Variants in SEC63 observed in about 807,000 individuals in gnomAD.
The protein encoded by SEC63 is SEC63 protein translocation regulator.
SEC63 carries 56 observed loss-of-function variants against 116.2 expected under a neutral mutation model. The ratio of observed to expected loss-of-function variants is 0.48; its 90% CI spans 0.39 to 0.60. The LOEUF is 0.60. Among genes scored for constraint, SEC63 ranks in the 20% least tolerant of loss-of-function variants. The pLI is 0.00. For synonymous variants in SEC63, 273 were observed against 294.6 expected, an observed-to-expected ratio of 0.93 and a Z score of 0.75; for missense variants, 668 against 900.0, an observed-to-expected ratio of 0.74 and a Z score of 3.30.
At chr6:107,883,316 G>C in intron 16 of SEC63, 170 bp from the exon 17 acceptor site, 2 of 707,544 alleles carry the variant, frequency 2.8e-6, no homozygotes, top group Non-Finnish European at 4.6e-6. Context: ...AAAGATGTGG[G>C]AGTCAGACTA....
chr6:107,908,499 A>G (rs1284017813), intron 8 of SEC63, among the ~76,000 whole-genome samples: 1 of 152,188 alleles, frequency 6.6e-6, no homozygotes, highest in East Asian at 1.9e-4. Context: ...CCTGGATATC[A>G]CTTACTGTGT....
chr6:107,938,247 A>ATTTTTTT (rs4028676), intron 1 of SEC63, among the ~76,000 whole-genome samples: 2 of 133,980 alleles, frequency 1.5e-5, no homozygotes, highest in Non-Finnish European at 1.5e-5. Flanking sequence ...TGGTGAGTTA[A>ATTTTTTT]TTTTTTTTTT....
intron 14 of SEC63, 69 bp from the exon 15 acceptor site, chr6:107,893,966 A>G (rs948744205): frequency 6.6e-7 from 1 of 1,525,388 alleles, no homozygotes; most frequent in African/African-American, 1.4e-5. Flanking sequence ...AAACAAAGCA[A>G]TCTTTCAAAC....
chr6:107,933,712 C>CT (rs1396973616), intron 1 of SEC63, among the ~76,000 whole-genome samples: 1 of 151,742 alleles, frequency 6.6e-6, no homozygotes, highest in African/African-American at 2.4e-5. Flanking sequence ...GCCTCTCCCT[C>CT]TCCCCACGGC....
At position 107,944,844 on chromosome 6, in the gene SEC63, G is replaced by T. The variant is rs77433633; in HGVS notation, c.124+13042C>A. On this transcript the variant is annotated intron_variant, in intron 1 of 20. Transcript: ENST00000369002. The stretch of plus-strand genomic sequence containing the variant: ...CTATGTTTATACTGCATTCATCATT[G>T]TATCATCTGCTGTACCTGTACGGTC... Among the ~76,000 whole-genome samples the T allele has an allele frequency of 5.9e-3, 904 of 152,154 alleles. 11 individuals carry two copies. The highest frequency in any genetic ancestry group is 0.021 in the African/African-American group (873 of 41,494).
chr6:107,957,861 G>A (rs1770742949), intron 1 of SEC63, 25 bp downstream of exon 1: 13 of 1,600,612 alleles, frequency 8.1e-6, no homozygotes, highest in Non-Finnish European at 1.1e-5. Context: ...GCGCGGGTTC[G>A]CGGGCAAAGG....
At chr6:107,903,028 G>A (rs1248175333) in intron 11 of SEC63, 30 bp from the exon 12 acceptor site, 1 of 1,612,762 alleles carries the variant, frequency 6.2e-7, no homozygotes. Flanking sequence ...AAAGAAACAG[G>A]GCTGGACTTT....
chr6:107,871,540 C>G lies in SEC63; in HGVS notation c.*164G>C. The G allele has an allele frequency of 2.8e-6, 2 of 718,406 alleles. No individual in the cohort carries two copies. The highest frequency in any genetic ancestry group is 5.0e-6 in the Non-Finnish European group (2 of 403,962). 44.5% of individuals were successfully genotyped at this position (718,406 alleles called of 1,614,324 possible). A position where few individuals can be genotyped will look rare whatever the true frequency, so the allele number is the denominator to read the frequency against. On this transcript the variant is annotated 3_prime_UTR_variant, in exon 21 of 21. Transcript: ENST00000369002. ...AGCCTTAACATTTTTCAGGTTGTAC[C>G]AAGGCACCGCCACTGCCTAGTTATA... is the stretch of plus-strand genomic sequence containing the variant.
chr6:107,933,702 GCCTCTC>G (rs1362422182), intron 1 of SEC63, among the ~76,000 whole-genome samples: 1 of 144,128 alleles, frequency 6.9e-6, no homozygotes, highest in Non-Finnish European at 1.5e-5. Flanking sequence ...CCCTGCCCCT[GCCTCTC>G]CCTCTCCCCA....
At chr6:107,873,620 C>A (rs1020897530) in intron 19 of SEC63, among the ~76,000 whole-genome samples, 2 of 93,548 alleles carry the variant, frequency 2.1e-5, no homozygotes, top group African/African-American at 3.2e-5. Flanking sequence ...ATAACACAAA[C>A]CTAGAAACTA....
chr6:107,914,334 G>A (rs1002308766), intron 4 of SEC63, among the ~76,000 whole-genome samples: 2 of 152,056 alleles, frequency 1.3e-5, no homozygotes, highest in African/African-American at 4.8e-5. Context: ...CTTCCATATG[G>A]TCAAATCTAA....
chr6:107,868,720 A>C lies in SEC63; in HGVS notation c.*2984T>G, dbSNP rs1472303100. The C allele has an allele frequency of 1.3e-5, 2 of 152,048 alleles. No homozygotes were observed. The highest frequency in any genetic ancestry group is 1.3e-4 in the Admixed American group (2 of 15,276). 9.4% of individuals were successfully genotyped at this position (152,048 alleles called of 1,614,324 possible). A position where few individuals can be genotyped will look rare whatever the true frequency, so the allele number is the denominator to read the frequency against. ...AATAATAGCCAAGGCAAATGGATTT[A>C]AATGGATTGCCACTCATCTACCTGC... On this transcript the variant is annotated 3_prime_UTR_variant, in exon 21 of 21. Transcript: ENST00000369002.
intron 1 of SEC63, among the ~76,000 whole-genome samples, chr6:107,944,880 C>T (rs1251464739): frequency 6.6e-6 from 1 of 151,970 alleles, no homozygotes; most frequent in Non-Finnish European, 1.5e-5. Flanking sequence ...AAACAGTGAA[C>T]GCTTAATCAG....
chr6:107,910,866 TC>T, intron 7 of SEC63, among the ~76,000 whole-genome samples: 1 of 152,148 alleles, frequency 6.6e-6, no homozygotes, highest in Admixed American at 6.6e-5. Flanking sequence ...CCTCCTGGGT[TC>T]AAACCAGCAT....
At chr6:107,885,575 C>T (rs1786509085) in intron 16 of SEC63, among the ~76,000 whole-genome samples, 1 of 152,184 alleles carries the variant, frequency 6.6e-6, no homozygotes, top group African/African-American at 2.4e-5. Context: ...CAATTCTCCC[C>T]ATAATGAACC....
intron 7 of SEC63, among the ~76,000 whole-genome samples, chr6:107,909,419 G>C (rs967584083): frequency 2.7e-5 from 4 of 150,076 alleles, no homozygotes; most frequent in African/African-American, 9.8e-5. Flanking sequence ...TAAATGTTAA[G>C]TTTGAGGCAG....
rs1430151385 is a variant in SEC63, at chr6:107,906,554, A to G, written c.855T>C (p.Asn285=). ...TAAGTGGAGGCTCATTCTTCTTTAA[A>G]TTAATGCTGCCAATTTCTCTGATTA... is the stretch of plus-strand genomic sequence containing the variant. ...PQLIREIGSI[N]LKKNEPPLTC... The change falls in exon 10 of 21, where the codon AAT becomes AAC. Residue 285 remains asparagine (N), a synonymous_variant. Coordinates refer to ENST00000369002, the MANE Select transcript of SEC63 (RefSeq NM_007214.5). The G allele has an allele frequency of 1.2e-6, 2 of 1,613,224 alleles. No individual in the cohort carries two copies. The highest frequency in any genetic ancestry group is 1.7e-6 in the Non-Finnish European group (2 of 1,179,316).
At chr6:107,936,020 T>A (rs995578357) in intron 1 of SEC63, among the ~76,000 whole-genome samples, 2 of 152,206 alleles carry the variant, frequency 1.3e-5, no homozygotes, top group African/African-American at 4.8e-5. Flanking sequence ...ATTAAGCCTC[T>A]ACAGTATCCC....
chr6:107,916,476 C>T (rs1338111158), intron 4 of SEC63, among the ~76,000 whole-genome samples: 1 of 152,176 alleles, frequency 6.6e-6, no homozygotes, highest in Non-Finnish European at 1.5e-5. Context: ...GTGATATCTC[C>T]CAAACTTCTG....
Sources: gnomAD v4.1 joint callset for allele counts (sites outside exome capture counted in the v4.1 genomes callset) on GRCh38, gnomAD v4.1.1 for gene constraint, MANE v1.5 for transcripts, NCBI Gene and HGNC (gene_info 2026-07-23, HGNC 2026-07-21) for gene names.